The following LDB2 variants were observed in gnomAD, a reference collection of about 807,000 sequenced individuals.
The protein encoded by LDB2 is LIM domain binding 2.
LDB2 carries 12 observed loss-of-function variants against 44.3 expected under a neutral mutation model. The observed-to-expected ratio is 0.27, with a 90% CI of 0.17 to 0.44. The LOEUF is 0.44. LDB2 is among the 20% of genes least tolerant of loss of function. LDB2 has a pLI of 1.00. For missense variants in LDB2, 344 were observed against 473.5 expected (o/e 0.73, Z 2.54); for synonymous variants, 164 against 174.8 (o/e 0.94, Z 0.49).
intron 5 of LDB2, among the ~76,000 whole-genome samples, chr4:16,537,784 C>G (rs1265754236): frequency 1.3e-5 from 2 of 152,168 alleles, no homozygotes; most frequent in African/African-American, 4.8e-5. Context: ...TGGAGCAGCA[C>G]TAGATCTGGT....
intron 6 of LDB2, among the ~76,000 whole-genome samples, chr4:16,509,881 C>T (rs139243635): frequency 1.6e-4 from 25 of 152,092 alleles, no homozygotes; most frequent in Non-Finnish European, 2.2e-4. Context: ...TTTGGGAGGA[C>T]GAGGCAAGTG....
At chr4:16,834,518 A>G (rs1407888452) in intron 1 of LDB2, among the ~76,000 whole-genome samples, 1 of 152,114 alleles carries the variant, frequency 6.6e-6, no homozygotes, top group East Asian at 1.9e-4. Context: ...TGACTCCTAT[A>G]GGTGCAAGCT....
chr4:16,800,472 A>C (rs937533044), intron 1 of LDB2, among the ~76,000 whole-genome samples: 31 of 152,210 alleles, frequency 2.0e-4, no homozygotes, highest in African/African-American at 7.2e-4. Flanking sequence ...GGGTTAAAAA[A>C]TATTTGACAT....
intron 2 of LDB2, among the ~76,000 whole-genome samples, chr4:16,702,874 T>C (rs1297810346): frequency 6.6e-6 from 1 of 152,206 alleles, no homozygotes; most frequent in African/African-American, 2.4e-5. Flanking sequence ...TTGAATTGCT[T>C]ATAGCCCTTG....
chr4:16,585,880 T>C, intron 5 of LDB2, 42 bp downstream of exon 5: 1 of 1,528,486 alleles, frequency 6.5e-7, no homozygotes, highest in Non-Finnish European at 9.1e-7. Context: ...CTGGAGTACT[T>C]TTCAAACTCA....
At chr4:16,703,203 AAAGT>A (rs1753866847) in intron 2 of LDB2, among the ~76,000 whole-genome samples, 1 of 152,226 alleles carries the variant, frequency 6.6e-6, no homozygotes. Context: ...GACCTGGTAA[AAAGT>A]AAGGGGAGGC....
chr4:16,885,009 A>T (rs1038488827), intron 1 of LDB2, among the ~76,000 whole-genome samples: 3 of 152,132 alleles, frequency 2.0e-5, no homozygotes, highest in South Asian at 2.1e-4. Context: ...TTATTGTACA[A>T]CCTATGTTGT....
chr4:16,706,424 C>T (rs1431124136), intron 2 of LDB2, among the ~76,000 whole-genome samples: 2 of 152,192 alleles, frequency 1.3e-5, no homozygotes, highest in Non-Finnish European at 2.9e-5. Context: ...AGAGAGCCCT[C>T]CTCGGATATT....
intron 2 of LDB2, among the ~76,000 whole-genome samples, chr4:16,744,080 T>C (rs1763880702): frequency 6.6e-6 from 1 of 152,224 alleles, no homozygotes; most frequent in African/African-American, 2.4e-5. Context: ...AGGTTTCTTC[T>C]AGACTGTTTA....
At chr4:16,504,515 G>C (rs1331585325) in intron 7 of LDB2, among the ~76,000 whole-genome samples, 1 of 152,186 alleles carries the variant, frequency 6.6e-6, no homozygotes, top group East Asian at 1.9e-4. Flanking sequence ...AATGCCAGGG[G>C]ATATTCATCT....
chr4:16,597,190 T>C (rs563743525), intron 2 of LDB2, among the ~76,000 whole-genome samples: 101 of 152,316 alleles, frequency 6.6e-4, no homozygotes, highest in Non-Finnish European at 1.3e-3. Context: ...CCCTGCCAAA[T>C]TGTTTTCTGA....
At chr4:16,633,436 TA>T (rs1419596139) in intron 2 of LDB2, among the ~76,000 whole-genome samples, 1 of 151,302 alleles carries the variant, frequency 6.6e-6, no homozygotes. Flanking sequence ...TAAAGTATAA[TA>T]AAAAAAATCA....
intron 2 of LDB2, among the ~76,000 whole-genome samples, chr4:16,636,663 CATTTGGACTA>C (rs1560713601): frequency 6.6e-6 from 1 of 152,064 alleles, no homozygotes; most frequent in East Asian, 1.9e-4. Flanking sequence ...AATCCTCTTA[CATTTGGACTA>C]AGGGAATGTG....
chr4:16,554,339 T>G (rs763727021), intron 5 of LDB2, among the ~76,000 whole-genome samples: 1 of 152,142 alleles, frequency 6.6e-6, no homozygotes, highest in Non-Finnish European at 1.5e-5. Flanking sequence ...TGTGAGCCAC[T>G]GCGCCCGGCC....
chr4:16,647,718 T>G (rs1737174953), intron 2 of LDB2, among the ~76,000 whole-genome samples: 1 of 152,138 alleles, frequency 6.6e-6, no homozygotes, highest in Non-Finnish European at 1.5e-5. Flanking sequence ...ACACCAGTCA[T>G]TTTATTCCCA....
At chr4:16,685,196 C>A (rs1748913572) in intron 2 of LDB2, among the ~76,000 whole-genome samples, 1 of 152,110 alleles carries the variant, frequency 6.6e-6, no homozygotes, top group Admixed American at 6.5e-5. Context: ...AGGATATTTA[C>A]CAGCTGCTAA....
Position 16,502,654 on chromosome 4 carries a change from C to T in LDB2, c.1111G>A (p.Ala371Thr), listed in dbSNP as rs746894378. 23 of 1,613,736 alleles carry T rather than the reference C, an allele frequency of 1.4e-5. No homozygotes were observed. Among genetic ancestry groups the T allele is most frequent in the Non-Finnish European group, 1.9e-5 (23 of 1,179,746 alleles). ...ETKSENPPPQASQ is the reference protein window; with the variant it reads ...ETKSENPPPQTSQ ...TGGTGCCGATCATCTTATTGGGAAGCCTGGGGTGGGGGGTTTTCTGATTTG... is the reference window on the plus strand; with the variant it reads ...TGGTGCCGATCATCTTATTGGGAAGTCTGGGGTGGGGGGTTTTCTGATTTG... Residue 371 changes from alanine (A) to threonine (T), a missense_variant, in exon 8 of 8, where the codon GCT becomes ACT. Physicochemically the swap from Ala to Thr is moderately conservative, Grantham distance 58 (BLOSUM62 0). Transcript: ENST00000304523.
intron 2 of LDB2, among the ~76,000 whole-genome samples, chr4:16,610,114 G>A (rs1725200281): frequency 6.6e-6 from 1 of 151,906 alleles, no homozygotes; most frequent in Admixed American, 6.6e-5. Flanking sequence ...CCCTACAGAA[G>A]AGGGAGTTGA....
chr4:16,793,600 T>G (rs1255092937), intron 1 of LDB2, among the ~76,000 whole-genome samples: 1 of 152,258 alleles, frequency 6.6e-6, no homozygotes, highest in Admixed American at 6.5e-5. Flanking sequence ...AGCAGTGTTT[T>G]GTTCAGGAAT....
Sources: gnomAD v4.1 joint callset for allele counts (sites outside exome capture counted in the v4.1 genomes callset) on GRCh38, gnomAD v4.1.1 for gene constraint, MANE v1.5 for transcripts, NCBI Gene and HGNC (gene_info 2026-07-23, HGNC 2026-07-21) for gene names.